The following FYN variants were observed in gnomAD, a reference collection of about 807,000 sequenced individuals.
FYN encodes FYN proto-oncogene, Src family tyrosine kinase.
A neutral mutation model predicts 70.2 loss-of-function variants in FYN; 10 were observed. The observed-to-expected ratio is 0.14, with a 90% CI of 0.09 to 0.24. The LOEUF (loss-of-function observed/expected upper bound fraction) is 0.24. Among genes scored for constraint, FYN ranks in the 10% least tolerant of loss-of-function variants. The pLI is 1.00. For missense variants in FYN, 319 were observed against 673.1 expected (o/e 0.47, Z 5.82); for synonymous variants, 236 against 248.6 (o/e 0.95, Z 0.48).
At chr6:111,740,227 T>C (rs1268983599) in intron 3 of FYN, among the ~76,000 whole-genome samples, 5 of 152,242 alleles carry the variant, frequency 3.3e-5, no homozygotes, top group African/African-American at 4.8e-5. Context: ...AATCCTACTC[T>C]TGGTCAAGGA....
intron 3 of FYN, among the ~76,000 whole-genome samples, chr6:111,762,876 A>C (rs183474388): frequency 6.6e-6 from 1 of 152,104 alleles, no homozygotes; most frequent in East Asian, 1.9e-4. Context: ...CTCGCATTCA[A>C]ATGGCTGGAC....
intron 4 of FYN, 75 bp from the exon 5 acceptor site, chr6:111,714,518 TAAA>T (rs1349891187): frequency 2.9e-5 from 30 of 1,046,344 alleles, no homozygotes; most frequent in Non-Finnish European, 4.3e-5. Flanking sequence ...AAATCTTCAC[TAAA>T]ATCTCATTCT....
intron 1 of FYN, among the ~76,000 whole-genome samples, chr6:111,863,487 T>C (rs944514714): frequency 2.0e-5 from 3 of 152,222 alleles, no homozygotes; most frequent in African/African-American, 7.2e-5. Context: ...TTGGGCAGGA[T>C]TTCACAGAAA....
intron 8 of FYN, chr6:111,702,515 T>C (rs760107198): frequency 1.2e-5 from 2 of 169,124 alleles, no homozygotes; most frequent in Non-Finnish European, 2.5e-5. Context: ...AAACACAATA[T>C]TCCTTGTAGG....
At chr6:111,667,627 T>G (rs1320193823) in intron 13 of FYN, among the ~76,000 whole-genome samples, 3 of 152,206 alleles carry the variant, frequency 2.0e-5, no homozygotes, top group Non-Finnish European at 4.4e-5. Context: ...TGTCACTTCT[T>G]GACTTCTAAC....
chr6:111,677,962 T>C (rs1170278562), intron 12 of FYN, among the ~76,000 whole-genome samples: 1 of 152,166 alleles, frequency 6.6e-6, no homozygotes, highest in African/African-American at 2.4e-5. Flanking sequence ...ATGTCACTGA[T>C]ATCTTGAGCT....
chr6:111,797,665 CATATATATATATATAT>C lies in FYN; in HGVS notation c.-81-17046_-81-17031del, dbSNP rs57984132. 2.9e-3 allele frequency among the ~76,000 whole-genome samples: 268 copies of C among 90,918 alleles called. 1 individual carries two copies. The highest frequency in any genetic ancestry group is 6.3e-3 in the Middle Eastern group (1 of 158). The allele number at this position is 90,918 out of a possible 152,430, so 59.6% of individuals were successfully genotyped here. On this transcript the variant is annotated intron_variant, in intron 2 of 13. Coordinates refer to ENST00000354650, the MANE Select transcript of FYN (RefSeq NM_002037.5). ...AGCAACAAGCTCAAAATCAAAGTTT[CATATATATATATATAT>C]ATATATATATATATATATATATATA...
At chr6:111,854,421 GA>G (rs1443774888) in intron 1 of FYN, among the ~76,000 whole-genome samples, 1 of 152,212 alleles carries the variant, frequency 6.6e-6, no homozygotes, top group Non-Finnish European at 1.5e-5. Flanking sequence ...TTGGCAGTAG[GA>G]AAAGTATTCC....
intron 2 of FYN, among the ~76,000 whole-genome samples, chr6:111,837,483 G>A (rs1346513273): frequency 2.0e-5 from 3 of 152,090 alleles, no homozygotes; most frequent in Non-Finnish European, 4.4e-5. Context: ...ATACGGACAG[G>A]TGCCTTCCCT....
intron 3 of FYN, among the ~76,000 whole-genome samples, chr6:111,777,779 T>C (rs965466363): frequency 6.6e-6 from 1 of 152,174 alleles, no homozygotes; most frequent in Non-Finnish European, 1.5e-5. Context: ...TCCTATGACT[T>C]GTAATGAAAA....
At chr6:111,746,099 G>A (rs1802201415) in intron 3 of FYN, among the ~76,000 whole-genome samples, 1 of 152,232 alleles carries the variant, frequency 6.6e-6, no homozygotes, top group Non-Finnish European at 1.5e-5. Flanking sequence ...GTTCATAAGT[G>A]AAAGAGAATT....
At chr6:111,692,631 CAA>C (rs374670071) in intron 12 of FYN, among the ~76,000 whole-genome samples, 31 of 152,304 alleles carry the variant, frequency 2.0e-4, no homozygotes, top group African/African-American at 7.2e-4. Context: ...CTGTAGAGTT[CAA>C]AGTCCAGGAA....
At chr6:111,826,846 T>A (rs1772849924) in intron 2 of FYN, among the ~76,000 whole-genome samples, 2 of 152,196 alleles carry the variant, frequency 1.3e-5, no homozygotes, top group South Asian at 4.1e-4. Flanking sequence ...AGGGACCCAA[T>A]AAACATTTGT....
intron 4 of FYN, among the ~76,000 whole-genome samples, chr6:111,719,217 C>T (rs1008524458): frequency 9.3e-5 from 14 of 150,914 alleles, no homozygotes; most frequent in Admixed American, 1.3e-4. Flanking sequence ...TGTCTGAGAA[C>T]GTACGCCAGA....
At chr6:111,673,854 T>C (rs886263648) in intron 13 of FYN, among the ~76,000 whole-genome samples, 2 of 152,166 alleles carry the variant, frequency 1.3e-5, no homozygotes, top group African/African-American at 4.8e-5. Context: ...AACTCGTGGT[T>C]TCTTTGGAGA....
At chr6:111,799,178 A>G (rs1771906657) in intron 2 of FYN, among the ~76,000 whole-genome samples, 1 of 152,250 alleles carries the variant, frequency 6.6e-6, no homozygotes, top group African/African-American at 2.4e-5. Flanking sequence ...TGATTCTAAA[A>G]AAGCAACGTT....
In FYN at chr6:111,797,687, TATATATATATATATATATATATATAC is replaced by T. The variant is rs1183511264; in HGVS notation, c.-81-17078_-81-17053del. 4.1e-5 allele frequency among the ~76,000 whole-genome samples: 3 copies of T among 73,082 alleles called. No homozygotes were observed. The African/African-American group carries it at 6.7e-4, about 16-fold the overall frequency. 47.9% of individuals were successfully genotyped at this position (73,082 alleles called of 152,430 possible). ...TTTCATATATATATATATATATATATATATATATATATATATATATATATACACACACACACACACATGACACACCC... is the reference window on the plus strand; with the variant it reads ...TTTCATATATATATATATATATATATACACACACACACACATGACACACCC... On this transcript the variant is annotated intron_variant, in intron 2 of 13. Transcript: ENST00000354650.
At chr6:111,735,225 GCT>G (rs1229298831) in intron 3 of FYN, among the ~76,000 whole-genome samples, 1 of 152,228 alleles carries the variant, frequency 6.6e-6, no homozygotes, top group East Asian at 1.9e-4. Context: ...GGCTTTGGGT[GCT>G]AAGGCTGAAG....
At chr6:111,810,861 T>C (rs1433653920) in intron 2 of FYN, among the ~76,000 whole-genome samples, 1 of 152,252 alleles carries the variant, frequency 6.6e-6, no homozygotes. Flanking sequence ...CTAAATCCCA[T>C]ATGTCAGCAG....
Sources: gnomAD v4.1 joint callset for allele counts (sites outside exome capture counted in the v4.1 genomes callset) on GRCh38, gnomAD v4.1.1 for gene constraint, MANE v1.5 for transcripts, NCBI Gene and HGNC (gene_info 2026-07-23, HGNC 2026-07-21) for gene names.